COQ5: variants seen among roughly 807,000 people sequenced by gnomAD.
COQ5 encodes 2-methoxy-6-polyprenyl-1,4-benzoquinol methylase, mitochondrial.
In COQ5, 27 loss-of-function variants were observed where a neutral mutation model predicts 40.5. The ratio of observed to expected loss-of-function variants is 0.67; its 90% CI spans 0.49 to 0.92. COQ5 has a LOEUF of 0.92. Among genes scored for constraint, COQ5 ranks in the 40% least tolerant of loss-of-function variants. The probability of loss-of-function intolerance (pLI) is 0.00; values close to 1 mark genes in which losing one functional copy is unlikely to be tolerated. For synonymous variants in COQ5, 141 were observed against 150.0 expected, an observed-to-expected ratio of 0.94 and a Z score of 0.44; for missense variants, 409 against 406.4, an observed-to-expected ratio of 1.01 and a Z score of -0.06.
At chr12:120,508,577 T>C (rs1221568259) in intron 4 of COQ5, among the ~76,000 whole-genome samples, 2 of 152,310 alleles carry the variant, frequency 1.3e-5, no homozygotes, top group East Asian at 3.9e-4. Context: ...TTATTAGTTA[T>C]GTGAATCATA....
Position 120,503,752 on chromosome 12 carries a change from T to C in COQ5, c.*32A>G. 2 of 1,506,760 alleles carry C rather than the reference T, an allele frequency of 1.3e-6. No individual in the cohort carries two copies. The highest frequency in any genetic ancestry group is 1.8e-6 in the Non-Finnish European group (2 of 1,082,410). 93.3% of individuals were successfully genotyped at this position (1,506,760 alleles called of 1,614,324 possible). On this transcript the variant is annotated 3_prime_UTR_variant, in exon 7 of 7. Coordinates refer to ENST00000288532, the MANE Select transcript of COQ5 (RefSeq NM_032314.4). ...TCAGTTCCAGGCTTTCAACAGGATATGACTGGTTCATGCTCCATGATAGGA... is the reference window on the plus strand; with the variant it reads ...TCAGTTCCAGGCTTTCAACAGGATACGACTGGTTCATGCTCCATGATAGGA...
At chr12:120,528,454 G>T (rs1156388117) in intron 1 of COQ5, among the ~76,000 whole-genome samples, 3 of 152,056 alleles carry the variant, frequency 2.0e-5, no homozygotes, top group Non-Finnish European at 4.4e-5. Context: ...ATGTCTGTAC[G>T]TTGCCTGGCA....
chr12:120,521,679 C>A (rs1477448519), intron 2 of COQ5, among the ~76,000 whole-genome samples: 22 of 114,120 alleles, frequency 1.9e-4, no homozygotes, highest in African/African-American at 4.3e-4. Context: ...ACTCCATCTC[C>A]AAAAAAAAAA....
At chr12:120,514,335 A>G (rs748897871) in intron 3 of COQ5, among the ~76,000 whole-genome samples, 8 of 151,904 alleles carry the variant, frequency 5.3e-5, no homozygotes, top group Non-Finnish European at 1.2e-4. Context: ...GGGGGAGGAG[A>G]AGGAGAGAAA....
At chr12:120,509,988 A>G in intron 4 of COQ5, 29 bp downstream of exon 4, 2 of 1,539,484 alleles carry the variant, frequency 1.3e-6, no homozygotes, top group South Asian at 2.2e-5. Flanking sequence ...CCTGAGAGTC[A>G]TACAAGCTGA....
At chr12:120,520,313 T>A (rs974059674) in intron 2 of COQ5, among the ~76,000 whole-genome samples, 1 of 147,630 alleles carries the variant, frequency 6.8e-6, no homozygotes, top group Non-Finnish European at 1.5e-5. Flanking sequence ...CGGCTATTTT[T>A]ATTTTATTTT....
At chr12:120,514,600 G>C (rs567472858) in intron 3 of COQ5, among the ~76,000 whole-genome samples, 9 of 151,784 alleles carry the variant, frequency 5.9e-5, no homozygotes, top group Non-Finnish European at 1.3e-4. Context: ...AAAATTAGCC[G>C]GGTATGGTGC....
At position 120,521,828 on chromosome 12, in the gene COQ5, C is replaced by G. The variant is rs143777727; in HGVS notation, c.352+386G>C. Among the ~76,000 whole-genome samples the G allele has an allele frequency of 5.6e-3, 850 of 152,140 alleles. 12 individuals carry two copies. Among genetic ancestry groups the G allele is most frequent in the African/African-American group, 0.019 (793 of 41,496 alleles). On this transcript the variant is annotated intron_variant, in intron 2 of 6. Transcript: ENST00000288532. The stretch of plus-strand genomic sequence containing the variant: ...CCTGGGAAACACAGTGAAACCCCGT[C>G]TCTACTAAAATACAAAATATTAGCT...
chr12:120,522,161 A>G lies in COQ5; in HGVS notation c.352+53T>C, dbSNP rs1869692120. On this transcript the variant is annotated intron_variant, in intron 2 of 6. Coordinates refer to ENST00000288532, the MANE Select transcript of COQ5 (RefSeq NM_032314.4). The stretch of plus-strand genomic sequence containing the variant: ...GAGCTAGCTCATTACAAGAGAGACT[A>G]ATTTCTGTAAAACATGCTCAATGGT... 4 of 1,600,324 alleles carry G rather than the reference A, an allele frequency of 2.5e-6. No individual in the cohort carries two copies. The East Asian group carries it at 8.9e-5, about 36-fold the overall frequency.
chr12:120,504,650 T>C (rs1868801325), intron 5 of COQ5: 2 of 496,270 alleles, frequency 4.0e-6, no homozygotes, highest in South Asian at 2.1e-5. Flanking sequence ...CCACTACCAT[T>C]GGACCAGGCA....
At chr12:120,511,997 G>A (rs1031374350) in intron 3 of COQ5, among the ~76,000 whole-genome samples, 4 of 151,942 alleles carry the variant, frequency 2.6e-5, no homozygotes, top group African/African-American at 9.7e-5. Flanking sequence ...AGATCATGAG[G>A]TCAGGAGTTC....
At position 120,510,133 on chromosome 12, in the gene COQ5, A is replaced by G; in HGVS notation, c.575-10T>C. 6.2e-7 allele frequency: 1 copy of G among 1,605,148 alleles called. No individual in the cohort carries two copies. The highest frequency in any genetic ancestry group is 8.5e-7 in the Non-Finnish European group (1 of 1,171,932). On this transcript the variant is annotated splice_polypyrimidine_tract_variant and intron_variant, in intron 3 of 6. Coordinates refer to ENST00000288532, the MANE Select transcript of COQ5 (RefSeq NM_032314.4). ...AATACCCATGCAAGTCCTGAAAGAG[A>G]AAGTGAGTTCCGGGTCTCAGTGTGG... is the stretch of plus-strand genomic sequence containing the variant.
rs892955744 is a variant in COQ5 at position 120,522,763 on chromosome 12, T to C, written c.203-400A>G. On this transcript the variant is annotated intron_variant, in intron 1 of 6. Transcript: ENST00000288532. ...CTTTGGCCTTGGCCTTTGACCGACA[T>C]AGCTTGAGCCCCTTGGCAATGCAGG... 16 of 657,698 alleles carry C rather than the reference T, an allele frequency of 2.4e-5. No homozygotes were observed. In the Middle Eastern group the frequency reaches 1.3e-3, roughly 53 times the overall value. The allele number at this position is 657,698 out of a possible 1,614,324, so 40.7% of individuals were successfully genotyped here.
chr12:120,512,873 C>A (rs1241649362), intron 3 of COQ5, among the ~76,000 whole-genome samples: 1 of 151,782 alleles, frequency 6.6e-6, no homozygotes, highest in African/African-American at 2.4e-5. Flanking sequence ...GCCTGGCCAA[C>A]ATGGCAAAAC....
In COQ5 at chr12:120,516,712, T is replaced by C. The variant is rs887802877; in HGVS notation, c.429A>G (p.Gln143=). The part of the protein sequence containing the change: ...QRKQKRQLRA[Q]QNLSWEEIAK... Reference sequence around the variant, plus strand: ...CAATTTCTTCCCAGGATAAATTTTGTTGGGCCCTTAACTGCCTCTTCTGTT... The same window carrying C: ...CAATTTCTTCCCAGGATAAATTTTGCTGGGCCCTTAACTGCCTCTTCTGTT... The change falls in exon 3 of 7, where the codon CAA becomes CAG. Residue 143 remains glutamine (Q), a synonymous_variant. Coordinates refer to ENST00000288532, the MANE Select transcript of COQ5 (RefSeq NM_032314.4). 17 of 1,614,092 alleles carry C rather than the reference T, an allele frequency of 1.1e-5. No individual in the cohort carries two copies. The highest frequency in any genetic ancestry group is 1.6e-4 in the Middle Eastern group (1 of 6,084).
chr12:120,512,568 C>T (rs1208500125), intron 3 of COQ5, among the ~76,000 whole-genome samples: 1 of 151,978 alleles, frequency 6.6e-6, no homozygotes, highest in Non-Finnish European at 1.5e-5. Context: ...CCACTGCACT[C>T]CAGCCTGGGT....
intron 3 of COQ5, among the ~76,000 whole-genome samples, chr12:120,513,310 T>G (rs1037645717): frequency 1.3e-5 from 2 of 150,148 alleles, no homozygotes; most frequent in Non-Finnish European, 3.0e-5. Context: ...GAGACCATCC[T>G]GGCTAACACA....
Position 120,504,432 on chromosome 12 carries a change from T to TTTA in COQ5, c.771-352_771-351insTAA, listed in dbSNP as rs1158015808. 283 of 262,724 alleles carry TTTA rather than the reference T, an allele frequency of 1.1e-3. 1 individual carries two copies. The Middle Eastern group carries it at 0.015, about 14-fold the overall frequency. The allele number at this position is 262,724 out of a possible 1,614,324, so 16.3% of individuals were successfully genotyped here. A position where few individuals can be genotyped will look rare whatever the true frequency, so the allele number is the denominator to read the frequency against. ...AATTTTTTTTTTTTTTTTTTTTTTT[T>TTTA]AGAGATAGGGTCTCACGGTTGCCCA... On this transcript the variant is annotated intron_variant, in intron 5 of 6. Coordinates refer to ENST00000288532, the MANE Select transcript of COQ5 (RefSeq NM_032314.4).
In COQ5 at chr12:120,503,800, G is replaced by C. The variant is rs2137076186; in HGVS notation, c.968C>G (p.Ser323Cys). 6.2e-7 allele frequency: 1 copy of C among 1,613,658 alleles called. No individual in the cohort carries two copies. Among genetic ancestry groups the C allele is most frequent in the Non-Finnish European group, 8.5e-7 (1 of 1,179,536 alleles). Reference protein sequence around the residue: ...SLTSGIVAIHSGFKL With the variant: ...SLTSGIVAIHCGFKL ...GGAAAGGAATTAAAGTTTGAAGCCA[G>C]AATGAATGGCCACAATGCCTGATGT... Residue 323 changes from serine to cysteine, a missense_variant, in exon 7 of 7, where the codon TCT (serine) becomes TGT (cysteine). Ser to Cys is a moderately radical substitution (Grantham distance 112). Transcript: ENST00000288532.
Sources: gnomAD v4.1 joint callset for allele counts (sites outside exome capture counted in the v4.1 genomes callset) on GRCh38, gnomAD v4.1.1 for gene constraint, MANE v1.5 for transcripts, NCBI Gene and HGNC (gene_info 2026-07-23, HGNC 2026-07-21) for gene names.